The following PXDNL variants were observed in gnomAD, a reference collection of about 807,000 sequenced individuals.
The protein encoded by PXDNL is probable oxidoreductase PXDNL.
Under a neutral mutation model 150.8 loss-of-function variants are expected in PXDNL, and 145 were observed. The observed-to-expected ratio is 0.96, with a 90% CI of 0.84 to 1.10. The LOEUF (loss-of-function observed/expected upper bound fraction) is 1.10, where lower values mean the gene tolerates loss of function less well. Ranked by LOEUF, PXDNL falls within the 50% of genes least tolerant of loss-of-function variation. The probability of loss-of-function intolerance (pLI) is 0.00; values close to 1 mark genes in which losing one functional copy is unlikely to be tolerated. For synonymous variants in PXDNL, 757 were observed against 725.7 expected, an observed-to-expected ratio of 1.04 and a Z score of -0.69; for missense variants, 2,087 against 1,873.9, an observed-to-expected ratio of 1.11 and a Z score of -2.10.
At chr8:51,535,744 T>C (rs1052284885) in intron 4 of PXDNL, among the ~76,000 whole-genome samples, 7 of 150,032 alleles carry the variant, frequency 4.7e-5, no homozygotes, top group Non-Finnish European at 7.4e-5. Context: ...TAAATAAAAA[T>C]AAAGTTTGAG....
chr8:51,477,435 G>A (rs926020614), intron 6 of PXDNL, among the ~76,000 whole-genome samples: 7 of 152,204 alleles, frequency 4.6e-5, no homozygotes, highest in Non-Finnish European at 7.3e-5. Flanking sequence ...AGTCATAAAA[G>A]TCAACTAGCC....
At chr8:51,542,352 A>G (rs529140109) in intron 4 of PXDNL, among the ~76,000 whole-genome samples, 2 of 152,308 alleles carry the variant, frequency 1.3e-5, no homozygotes, top group South Asian at 4.2e-4. Context: ...AATATTATGG[A>G]CTGAATGTTT....
intron 19 of PXDNL, among the ~76,000 whole-genome samples, chr8:51,349,176 G>GGT (rs56864306): frequency 6.7e-6 from 1 of 150,268 alleles, no homozygotes; most frequent in Non-Finnish European, 1.5e-5. Context: ...TGTGTGTGGG[G>GGT]GTGTGTGTGT....
intron 20 of PXDNL, among the ~76,000 whole-genome samples, chr8:51,340,474 C>T (rs16916015): frequency 0.099 from 15,142 of 152,192 alleles, 984 homozygotes; most frequent in East Asian, 0.26. Context: ...AGTGCTCTTA[C>T]GTTTTTCCAA....
At chr8:51,734,266 A>G (rs1183502022) in intron 1 of PXDNL, among the ~76,000 whole-genome samples, 1 of 152,208 alleles carries the variant, frequency 6.6e-6, no homozygotes, top group African/African-American at 2.4e-5. Flanking sequence ...ATTCAAACAA[A>G]CTAGTTTTTA....
rs769805631 is a variant in PXDNL, at chr8:51,360,592, C to T, written c.3901+11281G>A. Among the ~76,000 whole-genome samples the T allele has an allele frequency of 2.4e-4, 37 of 152,294 alleles. 1 individual carries two copies. The highest frequency in any genetic ancestry group is 6.5e-4 in the African/African-American group (27 of 41,568). ...ACACAGTTATATACACACATACATA[C>T]GCATGTTGTTAAATTAGGTTTAGAC... On this transcript the variant is annotated intron_variant, in intron 19 of 22. Coordinates refer to ENST00000356297, the MANE Select transcript of PXDNL (RefSeq NM_144651.5).
At chr8:51,610,173 C>T (rs892925683) in intron 2 of PXDNL, among the ~76,000 whole-genome samples, 1 of 152,172 alleles carries the variant, frequency 6.6e-6, no homozygotes, top group Non-Finnish European at 1.5e-5. Context: ...AGACAAATTA[C>T]ACCTGTTGGT....
At chr8:51,517,506 G>A (rs1811568456) in intron 4 of PXDNL, among the ~76,000 whole-genome samples, 1 of 152,150 alleles carries the variant, frequency 6.6e-6, no homozygotes, top group Admixed American at 6.5e-5. Context: ...AATTGACTAT[G>A]TCTTGCTCAT....
intron 1 of PXDNL, among the ~76,000 whole-genome samples, chr8:51,782,180 A>G (rs13274476): frequency 0.061 from 9,230 of 152,248 alleles, 380 homozygotes; most frequent in Non-Finnish European, 0.087. Context: ...CAAGGGGCCT[A>G]CTGCTCCAGG....
intron 19 of PXDNL, among the ~76,000 whole-genome samples, chr8:51,366,706 C>G (rs28440014): frequency 0.013 from 1,912 of 152,276 alleles, 34 homozygotes; most frequent in African/African-American, 0.044. Flanking sequence ...TAGGACCTGA[C>G]AGTGGGCAGT....
At chr8:51,574,317 C>T (rs1037563573) in intron 3 of PXDNL, among the ~76,000 whole-genome samples, 1 of 151,572 alleles carries the variant, frequency 6.6e-6, no homozygotes, top group African/African-American at 2.4e-5. Flanking sequence ...GAGAGGACAA[C>T]AGAAAAATAA....
chr8:51,613,488 G>C (rs931224537), intron 2 of PXDNL, among the ~76,000 whole-genome samples: 4 of 88,204 alleles, frequency 4.5e-5, no homozygotes, highest in South Asian at 6.0e-4. Flanking sequence ...AGGGGGCGGG[G>C]GGGGGGCAGG....
At chr8:51,715,203 G>A (rs940932320) in intron 1 of PXDNL, among the ~76,000 whole-genome samples, 2 of 152,152 alleles carry the variant, frequency 1.3e-5, no homozygotes, top group Non-Finnish European at 2.9e-5. Context: ...GACTTGAATA[G>A]ACATTTCGCC....
intron 4 of PXDNL, among the ~76,000 whole-genome samples, chr8:51,543,316 T>C (rs529675192): frequency 6.6e-6 from 1 of 152,192 alleles, no homozygotes; most frequent in Non-Finnish European, 1.5e-5. Flanking sequence ...TAATACATGA[T>C]GCAATATGTA....
At position 51,618,855 on chromosome 8, in the gene PXDNL, C is replaced by A. The variant is rs75957344; in HGVS notation, c.237-26157G>T. 4.2e-3 allele frequency among the ~76,000 whole-genome samples: 637 copies of A among 152,286 alleles called. 2 individuals are homozygous for A. The highest frequency in any genetic ancestry group is 0.014 in the African/African-American group (582 of 41,572). On this transcript the variant is annotated intron_variant, in intron 2 of 22. Transcript: ENST00000356297. Reference sequence around the variant, plus strand: ...CCCAGTCTGGATCTTCATGAGCACTCAAAAAATGTCGGTGGTTCTTATTAA... The same window carrying A: ...CCCAGTCTGGATCTTCATGAGCACTAAAAAAATGTCGGTGGTTCTTATTAA...
intron 17 of PXDNL, among the ~76,000 whole-genome samples, chr8:51,387,866 C>T (rs1018075486): frequency 2.1e-5 from 3 of 144,908 alleles, no homozygotes; most frequent in African/African-American, 8.6e-5. Flanking sequence ...TTGATACTAA[C>T]TCAGTTTTAT....
intron 1 of PXDNL, among the ~76,000 whole-genome samples, chr8:51,763,277 G>T (rs993776719): frequency 6.7e-6 from 1 of 148,716 alleles, no homozygotes; most frequent in African/African-American, 2.5e-5. Context: ...ATATATATAA[G>T]AAACCTGCAC....
intron 20 of PXDNL, among the ~76,000 whole-genome samples, chr8:51,342,201 TA>T (rs1806006878): frequency 6.6e-6 from 1 of 151,748 alleles, no homozygotes; most frequent in South Asian, 2.1e-4. Context: ...GTTTTACCCA[TA>T]AAAAATAGTA....
At chr8:51,756,010 T>C (rs985335534) in intron 1 of PXDNL, among the ~76,000 whole-genome samples, 4 of 152,206 alleles carry the variant, frequency 2.6e-5, no homozygotes, top group African/African-American at 9.7e-5. Flanking sequence ...AATAAAATTA[T>C]CATTATCCTA....
Sources: allele counts gnomAD v4.1 joint callset (sites outside exome capture counted in the v4.1 genomes callset), GRCh38; gene constraint gnomAD v4.1.1; transcripts MANE v1.5; gene names NCBI Gene and HGNC (gene_info 2026-07-23, HGNC 2026-07-21).